Variants in CD58 observed in about 807,000 individuals in gnomAD.
CD58 encodes the protein lymphocyte function-associated antigen 3.
CD58 carries 14 observed loss-of-function variants against 27.6 expected under a neutral mutation model. That is an observed-to-expected ratio of 0.51 (90% CI 0.34 to 0.79). The LOEUF is 0.79. Among genes scored for constraint, CD58 ranks in the 30% least tolerant of loss-of-function variants. CD58 has a pLI of 0.02. For synonymous variants in CD58, 117 were observed against 103.8 expected (o/e 1.13, Z -0.77); for missense variants, 268 against 301.7 (o/e 0.89, Z 0.83).
rs764793526 is a variant in CD58 at position 116,519,323 on chromosome 1, G to A, written c.707-56C>T. On this transcript the variant is annotated intron_variant, in intron 4 of 5. Transcript: ENST00000369489. This position sits in a 1 kb window ranked among gnomAD's most constrained non-coding sequence, Gnocchi z 4.7. ...AAGAACTGAAAAGAAAAGGTGAAATGTGGAGTTACTGACTGCCTATTAGAG... is the reference window on the plus strand; with the variant it reads ...AAGAACTGAAAAGAAAAGGTGAAATATGGAGTTACTGACTGCCTATTAGAG... The A allele has an allele frequency of 4.1e-5, 63 of 1,533,634 alleles. No homozygotes were observed. Among genetic ancestry groups the A allele is most frequent in the Non-Finnish European group, 5.5e-5 (61 of 1,117,004 alleles).
At chr1:116,533,077 G>A in intron 3 of CD58, 1 of 736,350 alleles carries the variant, frequency 1.4e-6, no homozygotes, top group Non-Finnish European at 2.5e-6. Context: ...CATCCTTTAA[G>A]GCCTCCCCAG....
At position 116,532,631 on chromosome 1, in the gene CD58, C is replaced by T. The variant is rs535672293; in HGVS notation, c.628+3334G>A. Among the ~76,000 whole-genome samples, 28 of 152,360 alleles carry T rather than the reference C, an allele frequency of 1.8e-4. No homozygotes were observed. The highest frequency in any genetic ancestry group is 6.5e-4 in the African/African-American group (27 of 41,588). ...GATCCCCACCCCATCCCACCCCACC[C>T]CAATGGGGTCTATGGGGCCCTCCCG... On this transcript the variant is annotated intron_variant, in intron 3 of 5. Coordinates refer to ENST00000369489, the MANE Select transcript of CD58 (RefSeq NM_001779.3). This position sits in a 1 kb window ranked among gnomAD's most constrained non-coding sequence, Gnocchi z 5.1.
intron 1 of CD58, among the ~76,000 whole-genome samples, chr1:116,565,954 T>G (rs1057414862): frequency 1.3e-5 from 2 of 152,158 alleles, no homozygotes; most frequent in African/African-American, 4.8e-5. Flanking sequence ...CCTGACCTTG[T>G]GATCCGCCCG....
intron 4 of CD58, among the ~76,000 whole-genome samples, chr1:116,520,696 A>G (rs1657238711): frequency 6.6e-6 from 1 of 152,124 alleles, no homozygotes; most frequent in Non-Finnish European, 1.5e-5. Flanking sequence ...TTATACTGCT[A>G]TTTGGGGATT....
chr1:116,567,992 C>T (rs1658999077), intron 1 of CD58, among the ~76,000 whole-genome samples: 1 of 135,810 alleles, frequency 7.4e-6, no homozygotes, highest in Admixed American at 8.1e-5. Flanking sequence ...AATCCACATC[C>T]AAAGGGACAT....
chr1:116,532,328 C>T lies in CD58; in HGVS notation c.628+3637G>A, dbSNP rs980315622. On this transcript the variant is annotated intron_variant, in intron 3 of 5. Coordinates refer to ENST00000369489, the MANE Select transcript of CD58 (RefSeq NM_001779.3). This position sits in a 1 kb window ranked among gnomAD's most constrained non-coding sequence, Gnocchi z 5.1. Reference sequence around the variant, plus strand: ...ATATGAGGTGACCCGTGGCAGCTCTCGCCTGAGCTGGTGTGCCACAACCCT... The same window carrying T: ...ATATGAGGTGACCCGTGGCAGCTCTTGCCTGAGCTGGTGTGCCACAACCCT... Among the ~76,000 whole-genome samples the T allele has an allele frequency of 6.6e-6, 1 of 152,186 alleles. No homozygotes were observed. Among genetic ancestry groups the T allele is most frequent in the Non-Finnish European group, 1.5e-5 (1 of 68,036 alleles).
rs774366949 is a variant in CD58, at chr1:116,514,765, T to A, written c.*48A>T. On this transcript the variant is annotated 3_prime_UTR_variant, in exon 6 of 6. Coordinates refer to ENST00000369489, the MANE Select transcript of CD58 (RefSeq NM_001779.3). ...AATGAGAAATCAGATGGCTTTTTAG[T>A]TTTTAAAATAATTTAGTTATGCTGT... 2.3e-6 allele frequency: 3 copies of A among 1,306,494 alleles called. No individual in the cohort carries two copies. Among genetic ancestry groups the A allele is most frequent in the South Asian group, 1.3e-5 (1 of 78,404 alleles). The allele number at this position is 1,306,494 out of a possible 1,614,324, so 80.9% of individuals were successfully genotyped here.
intron 1 of CD58, among the ~76,000 whole-genome samples, chr1:116,564,768 G>A (rs892651834): frequency 5.3e-5 from 8 of 152,102 alleles, no homozygotes; most frequent in Admixed American, 2.6e-4. Flanking sequence ...ACAATTCAAC[G>A]TAAGATTTGG....
intron 1 of CD58, among the ~76,000 whole-genome samples, chr1:116,553,073 A>C (rs560434849): frequency 6.6e-6 from 1 of 152,004 alleles, no homozygotes; most frequent in East Asian, 1.9e-4. Flanking sequence ...CCCAACCTTT[A>C]AAAATTTAAG....
intron 1 of CD58, among the ~76,000 whole-genome samples, chr1:116,549,766 A>C (rs1310410233): frequency 1.3e-5 from 2 of 152,140 alleles, no homozygotes; most frequent in Non-Finnish European, 2.9e-5. Flanking sequence ...ATCTTTCAAT[A>C]TTTTTCTCTC....
In CD58 at chr1:116,521,952, G is replaced by T; in HGVS notation, c.660C>A (p.Pro220=). The part of the protein sequence containing the change: ...GHSRHRYALI[P]IPLAVITTCI... ...ATGTTGTAATTACTGCTAATGGTAT[G>T]GGTATAAGTGCATATCTGTGTCTTG... Residue 220 remains proline (P), a synonymous_variant, in exon 4 of 6, where the codon CCC becomes CCA. Coordinates refer to ENST00000369489, the MANE Select transcript of CD58 (RefSeq NM_001779.3). This position sits in a 1 kb window ranked among gnomAD's most constrained non-coding sequence, Gnocchi z 5.6. 1.3e-6 allele frequency: 2 copies of T among 1,582,676 alleles called. No homozygotes were observed.
At position 116,544,620 on chromosome 1, in the gene CD58, A is replaced by C; in HGVS notation, c.71-16T>G. On this transcript the variant is annotated splice_polypyrimidine_tract_variant and intron_variant, in intron 1 of 5. Transcript: ENST00000369489. ...CTGATGAAACCTAGGAGAGAAAAAA[A>C]AATTGGTTAGAAAAAACAACATGAC... 1 of 1,543,088 alleles carries C rather than the reference A, an allele frequency of 6.5e-7. No individual in the cohort carries two copies. The highest frequency in any genetic ancestry group is 1.2e-5 in the South Asian group (1 of 81,062).
chr1:116,524,495 A>G lies in CD58; in HGVS notation c.629-2512T>C, dbSNP rs1657369508. Among the ~76,000 whole-genome samples the G allele has an allele frequency of 6.6e-6, 1 of 152,224 alleles. No individual in the cohort carries two copies. On this transcript the variant is annotated intron_variant, in intron 3 of 5. Coordinates refer to ENST00000369489, the MANE Select transcript of CD58 (RefSeq NM_001779.3). The surrounding 1 kb of genome is among the most constrained non-coding windows in gnomAD (Gnocchi z 4.6). The stretch of plus-strand genomic sequence containing the variant: ...TGCTGGCATTATGCTGAACCCTATT[A>G]AGCTGCCAAGATTCAATGGTTTTTG...
chr1:116,529,525 GAC>G (rs1657531177), intron 3 of CD58, among the ~76,000 whole-genome samples: 1 of 152,184 alleles, frequency 6.6e-6, no homozygotes, highest in South Asian at 2.1e-4. Context: ...CAGTGGGGAA[GAC>G]ACAGTGCTTT....
chr1:116,547,430 A>G (rs1658220624), intron 1 of CD58, among the ~76,000 whole-genome samples: 1 of 148,730 alleles, frequency 6.7e-6, no homozygotes, highest in Non-Finnish European at 1.5e-5. Flanking sequence ...GGCTCACGCC[A>G]TTCTCCTGCC....
At chr1:116,558,304 G>C (rs1474795690) in intron 1 of CD58, among the ~76,000 whole-genome samples, 1 of 152,128 alleles carries the variant, frequency 6.6e-6, no homozygotes, top group East Asian at 1.9e-4. Flanking sequence ...GCAGGGTCTT[G>C]GGGCATTTTT....
rs941746525 is a variant in CD58 at position 116,550,688 on chromosome 1, T to C, written c.71-6084A>G. Among the ~76,000 whole-genome samples, 13 of 152,204 alleles carry C rather than the reference T, an allele frequency of 8.5e-5. No homozygotes were observed. Among genetic ancestry groups the C allele is most frequent in the Admixed American group, 3.9e-4 (6 of 15,276 alleles). Reference sequence around the variant, plus strand: ...TCCCATGAACCACAAATATTCTTAATGACATCTAGAATGCTGAATCCTTTC... The same window carrying C: ...TCCCATGAACCACAAATATTCTTAACGACATCTAGAATGCTGAATCCTTTC... On this transcript the variant is annotated intron_variant, in intron 1 of 5. Coordinates refer to ENST00000369489, the MANE Select transcript of CD58 (RefSeq NM_001779.3). This position sits in a 1 kb window ranked among gnomAD's most constrained non-coding sequence, Gnocchi z 4.2.
chr1:116,529,195 C>T (rs1657517229), intron 3 of CD58, among the ~76,000 whole-genome samples: 1 of 152,236 alleles, frequency 6.6e-6, no homozygotes, highest in African/African-American at 2.4e-5. Context: ...CCCTCAACTT[C>T]TCAATTTTCT....
chr1:116,564,530 C>T (rs930677517), intron 1 of CD58, among the ~76,000 whole-genome samples: 1 of 152,244 alleles, frequency 6.6e-6, no homozygotes, highest in Non-Finnish European at 1.5e-5. Context: ...AATGAACTCA[C>T]AGTTCCACCT....
Sources: gnomAD v4.1 joint callset for allele counts (sites outside exome capture counted in the v4.1 genomes callset) on GRCh38, gnomAD v4.1.1 for gene constraint, Gnocchi (gnomAD v3.1) non-coding constraint, MANE v1.5 for transcripts, NCBI Gene and HGNC (gene_info 2026-07-23, HGNC 2026-07-21) for gene names.